EIF4A1: variants seen among roughly 807,000 people sequenced by gnomAD.
EIF4A1 encodes the protein eukaryotic translation initiation factor 4A1.
Under a neutral mutation model 53.5 loss-of-function variants are expected in EIF4A1, and 11 were observed. The ratio of observed to expected loss-of-function variants is 0.21; its 90% CI spans 0.13 to 0.34. The LOEUF is 0.34. Among genes scored for constraint, EIF4A1 ranks in the 10% least tolerant of loss-of-function variants. The probability of loss-of-function intolerance (pLI) is 1.00; values close to 1 mark genes in which losing one functional copy is unlikely to be tolerated. For synonymous variants in EIF4A1, 237 were observed against 186.7 expected (o/e 1.27, Z -2.20); for missense variants, 213 against 530.8 (o/e 0.40, Z 5.88).
chr17:7,573,226 T>G, intron 1 of EIF4A1: 8 of 411,534 alleles, frequency 1.9e-5, no homozygotes, highest in East Asian at 5.0e-5. Context: ...GCAGGTCCGG[T>G]TGCCTCCCTG....
intron 9 of EIF4A1, 85 bp from the exon 10 acceptor site, chr17:7,578,080 C>T: frequency 6.3e-6 from 10 of 1,595,594 alleles, no homozygotes; most frequent in Non-Finnish European, 8.6e-6. Flanking sequence ...CCTTCCTTGG[C>T]TGCCCACATG....
At chr17:7,576,760 G>GT in intron 5 of EIF4A1, 68 bp downstream of exon 5, 1 of 1,558,802 alleles carries the variant, frequency 6.4e-7, no homozygotes, top group Non-Finnish European at 8.7e-7. Context: ...GTCTTTCAGC[G>GT]TAAGCCAGAG....
chr17:7,576,901 C>A, intron 5 of EIF4A1, 155 bp from the exon 6 acceptor site: 1 of 1,330,432 alleles, frequency 7.5e-7, no homozygotes, highest in African/African-American at 1.4e-5. Flanking sequence ...GGGCTGTTGT[C>A]TGCCTGGCGG....
At position 7,577,409 on chromosome 17, in the gene EIF4A1, C is replaced by T. The variant is rs2071416709; in HGVS notation, c.690C>T (p.Asp230=). The stretch of plus-strand genomic sequence containing the variant: ...AGGTGACCAAGAAGTTCATGAGGGA[C>T]CCCATTCGGATTCTTGTCAAGAAGG... ...VLEVTKKFMR[D]PIRILVKKEE... The change falls in exon 7 of 11, where the codon GAC becomes GAT. Residue 230 remains aspartate (D), a synonymous_variant. Coordinates refer to ENST00000293831, the MANE Select transcript of EIF4A1 (RefSeq NM_001416.4). This position sits in a 1 kb window ranked among gnomAD's most constrained non-coding sequence, Gnocchi z 4.7. The T allele has an allele frequency of 1.9e-6, 3 of 1,614,106 alleles. No homozygotes were observed. The highest frequency in any genetic ancestry group is 2.5e-6 in the Non-Finnish European group (3 of 1,180,030).
At chr17:7,574,710 G>A in intron 3 of EIF4A1, 32 bp downstream of exon 3, 1 of 1,611,240 alleles carries the variant, frequency 6.2e-7, no homozygotes, top group Non-Finnish European at 8.5e-7. Context: ...AGACATTGTG[G>A]ACTGTCCCTG....
chr17:7,575,051 A>AACCTAGG, intron 3 of EIF4A1, 68 bp from the exon 4 acceptor site: 2 of 1,591,706 alleles, frequency 1.3e-6, no homozygotes, highest in African/African-American at 2.7e-5. Context: ...TGACCTCATT[A>AACCTAGG]ACCTAGGACT....
At position 7,577,859 on chromosome 17, in the gene EIF4A1, G is replaced by A; in HGVS notation, c.939G>A (p.Val313=). Residue 313 remains valine (V), a synonymous_variant, in exon 9 of 11, where the codon GTG becomes GTA. Transcript: ENST00000293831. The surrounding 1 kb of genome is among the most constrained non-coding windows in gnomAD (Gnocchi z 4.7). ...ATATGGACCAAAAGGAACGAGACGT[G>A]ATTATGAGGGAGTTTCGTTCTGGCT... ...HGDMDQKERD[V]IMREFRSGSS... 1 of 1,614,182 alleles carries A rather than the reference G, an allele frequency of 6.2e-7. No individual in the cohort carries two copies. The highest frequency in any genetic ancestry group is 8.5e-7 in the Non-Finnish European group (1 of 1,180,044).
At chr17:7,578,140 T>C (rs763423041) in intron 9 of EIF4A1, 25 bp from the exon 10 acceptor site, 2 of 1,614,188 alleles carry the variant, frequency 1.2e-6, no homozygotes, top group Admixed American at 3.3e-5. Context: ...GTGCACATGC[T>C]GAAGAGTTGT....
At chr17:7,575,653 C>T (rs1412621246) in intron 4 of EIF4A1, 2 of 338,664 alleles carry the variant, frequency 5.9e-6, no homozygotes, top group Admixed American at 7.9e-5. Context: ...AATTCTAATG[C>T]TGGACTTTTT....
At position 7,577,949 on chromosome 17, in the gene EIF4A1, G is replaced by C; in HGVS notation, c.996+33G>C. ...GAGGGAACTGATAGCAAAGGCAGAA[G>C]GGAGGATCCAAGGTGATTCCCTCTC... On this transcript the variant is annotated intron_variant, in intron 9 of 10. Coordinates refer to ENST00000293831, the MANE Select transcript of EIF4A1 (RefSeq NM_001416.4). The surrounding 1 kb of genome is among the most constrained non-coding windows in gnomAD (Gnocchi z 4.7). 1 of 1,613,422 alleles carries C rather than the reference G, an allele frequency of 6.2e-7. No homozygotes were observed. The highest frequency in any genetic ancestry group is 8.5e-7 in the Non-Finnish European group (1 of 1,179,354).
chr17:7,576,936 C>CT (rs763031679), intron 5 of EIF4A1, 120 bp from the exon 6 acceptor site: 1 of 1,374,980 alleles, frequency 7.3e-7, no homozygotes, highest in Admixed American at 1.7e-5. Context: ...AAGGATCAGT[C>CT]TTTGTACTCT....
rs746065217 is a variant in EIF4A1, at chr17:7,574,685, C to T, written c.205+7C>T. ...ATTCTACCTTGTATCAAGGGTGAGA[C>T]CTCTCAGTCCCAGAAGACATTGTGG... On this transcript the variant is annotated splice_region_variant and intron_variant, in intron 3 of 10. Transcript: ENST00000293831. 1.1e-5 allele frequency: 18 copies of T among 1,612,298 alleles called. No individual in the cohort carries two copies. Among genetic ancestry groups the T allele is most frequent in the Admixed American group, 1.7e-5 (1 of 60,004 alleles).
Position 7,578,453 on chromosome 17 carries a change from G to T in EIF4A1, c.1188G>T (p.Glu396Asp). 6.2e-7 allele frequency: 1 copy of T among 1,612,100 alleles called. No homozygotes were observed. The highest frequency in any genetic ancestry group is 8.5e-7 in the Non-Finnish European group (1 of 1,178,824). Residue 396 changes from glutamate to aspartate, a missense_variant, in exon 11 of 11, where the codon GAG (glutamate) becomes GAT (aspartate). Physicochemically the swap from Glu to Asp is conservative, Grantham distance 45 (BLOSUM62 2). Coordinates refer to ENST00000293831, the MANE Select transcript of EIF4A1 (RefSeq NM_001416.4). ...DIETFYNTSIEEMPLNVADLI is the reference protein window; with the variant it reads ...DIETFYNTSIDEMPLNVADLI ...AGACCTTCTACAACACCTCCATTGA[G>T]GAAATGCCCCTCAATGTTGCTGACC...
chr17:7,575,568 AGTAGT>A (rs2071389353), intron 4 of EIF4A1: 4 of 461,948 alleles, frequency 8.7e-6, no homozygotes, highest in Non-Finnish European at 1.6e-5. Context: ...GTGATCTTAC[AGTAGT>A]CAGAGCAGAT....
chr17:7,575,800 TCA>T (rs2071393239), intron 4 of EIF4A1: 1 of 221,160 alleles, frequency 4.5e-6, no homozygotes, highest in Non-Finnish European at 9.2e-6. Flanking sequence ...CTCAGTTTTC[TCA>T]GAGTGAACAT....
intron 1 of EIF4A1, chr17:7,573,720 C>G (rs1268518544): frequency 6.4e-6 from 1 of 156,360 alleles, no homozygotes; most frequent in Non-Finnish European, 1.4e-5. Context: ...CCTTTGCTAG[C>G]TCGGCTTGGG....
chr17:7,577,913 G>A lies in EIF4A1; in HGVS notation c.993G>A (p.Leu331=). 6.2e-7 allele frequency: 1 copy of A among 1,614,206 alleles called. No homozygotes were observed. The highest frequency in any genetic ancestry group is 8.5e-7 in the Non-Finnish European group (1 of 1,180,030). The stretch of plus-strand genomic sequence containing the variant: ...GCAGAGTTTTGATTACCACTGACCT[G>A]CTGGTGAGTAGAGGGAACTGATAGC... The part of the protein sequence containing the change: ...GSSRVLITTD[L]LARGIDVQQV... The change falls in exon 9 of 11, where the codon CTG becomes CTA. Residue 331 remains leucine, a synonymous_variant. Transcript: ENST00000293831. This position sits in a 1 kb window ranked among gnomAD's most constrained non-coding sequence, Gnocchi z 4.7.
chr17:7,577,001 T>C lies in EIF4A1; in HGVS notation c.515-55T>C. The C allele has an allele frequency of 6.3e-7, 1 of 1,594,556 alleles. No individual in the cohort carries two copies. Among genetic ancestry groups the C allele is most frequent in the Non-Finnish European group, 8.6e-7 (1 of 1,163,184 alleles). On this transcript the variant is annotated intron_variant, in intron 5 of 10. Transcript: ENST00000293831. This position sits in a 1 kb window ranked among gnomAD's most constrained non-coding sequence, Gnocchi z 4.7. The stretch of plus-strand genomic sequence containing the variant: ...TTTTATCAGCGAAGTTGGATATATC[T>C]CTCCCACATTTCCCTAATCATATGC...
chr17:7,574,205 G>C, intron 1 of EIF4A1, 55 bp from the exon 2 acceptor site: 1 of 1,610,410 alleles, frequency 6.2e-7, no homozygotes, highest in South Asian at 1.1e-5. Flanking sequence ...CGGCTGTCAG[G>C]ATTTCTGAGT....
Sources: gnomAD v4.1 joint callset for allele counts on GRCh38, gnomAD v4.1.1 for gene constraint, Gnocchi (gnomAD v3.1) non-coding constraint, MANE v1.5 for transcripts, NCBI Gene and HGNC (gene_info 2026-07-23, HGNC 2026-07-21) for gene names.